DPP6: variants seen among roughly 807,000 people sequenced by gnomAD.
DPP6 encodes dipeptidyl peptidase like 6, also known as A-type potassium channel modulatory protein DPP6.
In DPP6, 69 loss-of-function variants were observed where a neutral mutation model predicts 122.6. The ratio of observed to expected loss-of-function variants is 0.56; its 90% CI spans 0.46 to 0.69. The LOEUF is 0.69. Among genes scored for constraint, DPP6 ranks in the 30% least tolerant of loss-of-function variants. The pLI is 0.00. For missense variants in DPP6, 928 were observed against 1,116.9 expected (o/e 0.83, Z 2.41); for synonymous variants, 418 against 433.1 (o/e 0.97, Z 0.43).
At chr7:153,985,076 G>C (rs543165437) in intron 1 of DPP6, among the ~76,000 whole-genome samples, 1 of 152,344 alleles carries the variant, frequency 6.6e-6, no homozygotes, top group South Asian at 2.1e-4. Context: ...GATCCAGGCA[G>C]GTCCCTGCTC....
intron 1 of DPP6, among the ~76,000 whole-genome samples, chr7:154,398,012 C>G (rs989408836): frequency 2.0e-5 from 3 of 152,086 alleles, no homozygotes; most frequent in South Asian, 4.2e-4. Context: ...AGATTTTTAC[C>G]CAACCACTGT....
At chr7:154,322,772 A>G (rs1157677791) in intron 1 of DPP6, among the ~76,000 whole-genome samples, 2 of 152,216 alleles carry the variant, frequency 1.3e-5, no homozygotes, top group Admixed American at 6.5e-5. Flanking sequence ...GAGGGGGTTT[A>G]TAGGCAGTAA....
At chr7:154,069,694 CCTT>C (rs1313337988) in intron 1 of DPP6, among the ~76,000 whole-genome samples, 1 of 147,920 alleles carries the variant, frequency 6.8e-6, no homozygotes, top group African/African-American at 2.5e-5. Context: ...GTTTATTCCT[CCTT>C]CAAGTGGCAT....
At chr7:154,363,543 G>C (rs78373132) in intron 1 of DPP6, among the ~76,000 whole-genome samples, 2,505 of 152,274 alleles carry the variant, frequency 0.016, 60 homozygotes, top group African/African-American at 0.056. Context: ...CAAGTTCCAG[G>C]CTGAGGCTAG....
intron 1 of DPP6, among the ~76,000 whole-genome samples, chr7:154,089,783 A>G (rs1228435249): frequency 6.6e-6 from 1 of 150,774 alleles, no homozygotes; most frequent in African/African-American, 2.4e-5. Flanking sequence ...TCTCTGGTTT[A>G]TTTTTTTAAA....
intron 8 of DPP6, among the ~76,000 whole-genome samples, chr7:154,732,978 C>T (rs1842409402): frequency 6.6e-6 from 1 of 152,174 alleles, no homozygotes; most frequent in Admixed American, 6.5e-5. Context: ...AGTCCACCGC[C>T]CTCGCCTGGA....
At chr7:154,138,378 T>G (rs1291914592) in intron 1 of DPP6, among the ~76,000 whole-genome samples, 1 of 152,200 alleles carries the variant, frequency 6.6e-6, no homozygotes, top group Non-Finnish European at 1.5e-5. Context: ...GATGAAGACA[T>G]TATTTGGAAA....
the DPP6 span, among the ~76,000 whole-genome samples, chr7:153,797,733 C>T: frequency 6.6e-6 from 1 of 152,154 alleles, no homozygotes; most frequent in African/African-American, 2.4e-5. Flanking sequence ...AAGGTGCCAG[C>T]AGATATGCTT....
chr7:153,938,641 G>C (rs1801566217), intron 1 of DPP6, among the ~76,000 whole-genome samples: 2 of 152,204 alleles, frequency 1.3e-5, no homozygotes, highest in Non-Finnish European at 2.9e-5. Flanking sequence ...AACCCCATGA[G>C]ACCATTACTG....
At chr7:154,070,413 A>G (rs1057467223) in intron 1 of DPP6, among the ~76,000 whole-genome samples, 2 of 152,104 alleles carry the variant, frequency 1.3e-5, no homozygotes, top group Non-Finnish European at 2.9e-5. Context: ...GATAGTTGTG[A>G]TGCATCTATT....
intron 8 of DPP6, among the ~76,000 whole-genome samples, chr7:154,743,398 C>T (rs970987864): frequency 1.3e-5 from 2 of 152,070 alleles, no homozygotes; most frequent in Non-Finnish European, 2.9e-5. Flanking sequence ...GGTGCAAGGA[C>T]AGGAGAAAAG....
At chr7:154,356,567 C>T in intron 1 of DPP6, among the ~76,000 whole-genome samples, 1 of 151,956 alleles carries the variant, frequency 6.6e-6, no homozygotes, top group East Asian at 1.9e-4. Flanking sequence ...GACCTTATCC[C>T]CCAACCCCCC....
At chr7:154,686,779 G>A (rs757490061) in intron 7 of DPP6, among the ~76,000 whole-genome samples, 42 of 152,020 alleles carry the variant, frequency 2.8e-4, no homozygotes, top group African/African-American at 5.3e-4. Flanking sequence ...AGTTTTCTAC[G>A]CTTCATTATT....
intron 3 of DPP6, among the ~76,000 whole-genome samples, chr7:154,490,865 G>A (rs929542715): frequency 3.3e-5 from 5 of 152,140 alleles, no homozygotes; most frequent in East Asian, 1.9e-4. Context: ...AGTGACAGCC[G>A]GAGACCAGGA....
At chr7:154,533,267 A>G (rs929015786) in intron 3 of DPP6, among the ~76,000 whole-genome samples, 2 of 152,182 alleles carry the variant, frequency 1.3e-5, no homozygotes, top group South Asian at 2.1e-4. Context: ...TGCCTCAGCC[A>G]TGAGACCCTG....
chr7:154,815,141 C>A (rs972428947), intron 16 of DPP6, among the ~76,000 whole-genome samples: 6 of 152,124 alleles, frequency 3.9e-5, no homozygotes, highest in Admixed American at 3.3e-4. Flanking sequence ...TTAAGGGCAG[C>A]CACACTAGAC....
chr7:154,279,705 G>A (rs1246337963), intron 1 of DPP6, among the ~76,000 whole-genome samples: 1 of 152,208 alleles, frequency 6.6e-6, no homozygotes, highest in Non-Finnish European at 1.5e-5. Context: ...GGTGCTGAAT[G>A]GAAACCTAAC....
chr7:154,851,916 G>C (rs1802415615), intron 16 of DPP6, among the ~76,000 whole-genome samples: 1 of 152,192 alleles, frequency 6.6e-6, no homozygotes. Flanking sequence ...GGTAGAGACT[G>C]GATCCAGTCC....
chr7:154,359,642 A>G (rs1811561515), intron 1 of DPP6, among the ~76,000 whole-genome samples: 1 of 152,204 alleles, frequency 6.6e-6, no homozygotes, highest in Admixed American at 6.5e-5. Context: ...AGATACTTAG[A>G]ACAATGTCTG....
Sources: gnomAD v4.1 joint callset for allele counts (sites outside exome capture counted in the v4.1 genomes callset) on GRCh38, gnomAD v4.1.1 for gene constraint, MANE v1.5 for transcripts, NCBI Gene and HGNC (gene_info 2026-07-23, HGNC 2026-07-21) for gene names.